Variants in TNNT1 observed in about 807,000 individuals in gnomAD.
TNNT1 encodes troponin T1, slow skeletal type.
A neutral mutation model predicts 50.6 loss-of-function variants in TNNT1; 53 were observed. That is an observed-to-expected ratio of 1.05 (90% CI 0.84 to 1.32). The LOEUF (loss-of-function observed/expected upper bound fraction) is 1.32. Ranked by LOEUF, TNNT1 falls within the 40% of genes most tolerant of loss-of-function variation. The probability of loss-of-function intolerance (pLI) is 0.00; values close to 1 mark genes in which losing one functional copy is unlikely to be tolerated. For missense variants in TNNT1, 348 were observed against 381.7 expected, an observed-to-expected ratio of 0.91 and a Z score of 0.74; for synonymous variants, 142 against 138.0, an observed-to-expected ratio of 1.03 and a Z score of -0.20.
At position 55,141,929 on chromosome 19, in the gene TNNT1, A is replaced by C. The variant is rs67795913; in HGVS notation, c.129-9T>G. On this transcript the variant is annotated splice_polypyrimidine_tract_variant and intron_variant, in intron 6 of 13. Coordinates refer to ENST00000588981, the MANE Select transcript of TNNT1 (RefSeq NM_003283.6). ...GAGGCACCACGGGGCGGCTGAGTGG[A>C]CAGAAACACAGAGACCATGAGTGGC... 207,122 of 1,613,310 alleles carry C rather than the reference A, an allele frequency of 0.13. 14,052 individuals are homozygous for C. Among genetic ancestry groups the C allele is most frequent in the East Asian group, 0.19 (8,620 of 44,834 alleles).
chr19:55,142,057 G>GACC, intron 6 of TNNT1, 137 bp from the exon 7 acceptor site: 1 of 798,834 alleles, frequency 1.3e-6, no homozygotes, highest in Non-Finnish European at 2.2e-6. Context: ...GCTGAGGCGG[G>GACC]CTGTCAGTGA....
intron 9 of TNNT1, among the ~76,000 whole-genome samples, chr19:55,138,778 G>A (rs908865677): frequency 1.3e-5 from 2 of 152,192 alleles, no homozygotes; most frequent in African/African-American, 4.8e-5. Context: ...AGGGGGTCAA[G>A]GGAAGTAACT....
At chr19:55,143,118 G>A (rs1017863489) in intron 6 of TNNT1, among the ~76,000 whole-genome samples, 6 of 150,530 alleles carry the variant, frequency 4.0e-5, no homozygotes, top group Non-Finnish European at 8.8e-5. Context: ...GCAGTGAGCC[G>A]AGATCGTGCC....
chr19:55,147,283 TG>T, intron 1 of TNNT1, 115 bp from the exon 2 acceptor site: 1 of 943,714 alleles, frequency 1.1e-6, no homozygotes, highest in Non-Finnish European at 1.6e-6. Flanking sequence ...TCTGGACTCC[TG>T]GGTGTGAGAG....
At chr19:55,146,770 A>G (rs1459000502) in intron 3 of TNNT1, 63 bp from the exon 4 acceptor site, 2 of 1,354,236 alleles carry the variant, frequency 1.5e-6, no homozygotes, top group East Asian at 2.5e-5. Flanking sequence ...GGCGGTGGCC[A>G]GAGACCAGGG....
intron 5 of TNNT1, among the ~76,000 whole-genome samples, 159 bp downstream of exon 5, chr19:55,146,275 A>G (rs1423241153): frequency 7.8e-6 from 1 of 128,214 alleles, no homozygotes; most frequent in Non-Finnish European, 1.6e-5. Flanking sequence ...CGGCCCCGAG[A>G]GGGCGCAGGA....
At chr19:55,135,433 C>T in intron 11 of TNNT1, 1 of 255,546 alleles carries the variant, frequency 3.9e-6, no homozygotes. Flanking sequence ...TTGATAGGGT[C>T]TCACTTTGTC....
chr19:55,137,937 T>C (rs2085383337), intron 10 of TNNT1, 24 bp downstream of exon 10: 1 of 1,613,886 alleles, frequency 6.2e-7, no homozygotes, highest in African/African-American at 1.3e-5. Flanking sequence ...AACTCAGACC[T>C]CAGGCTCCTG....
intron 6 of TNNT1, among the ~76,000 whole-genome samples, chr19:55,144,064 C>T (rs2081904195): frequency 6.8e-6 from 1 of 147,174 alleles, no homozygotes; most frequent in African/African-American, 2.5e-5. Context: ...CCCACCCCAC[C>T]CCACCCCCTT....
At chr19:55,137,059 C>G (rs1346668524) in intron 11 of TNNT1, 44 bp downstream of exon 11, 1 of 1,286,132 alleles carries the variant, frequency 7.8e-7, no homozygotes. Context: ...ATCCCCCTGT[C>G]TCACACCCAG....
chr19:55,138,769 G>A (rs2147249425), intron 9 of TNNT1, among the ~76,000 whole-genome samples: 1 of 152,288 alleles, frequency 6.6e-6, no homozygotes, highest in African/African-American at 2.4e-5. Flanking sequence ...TCTGTTTTGA[G>A]GGGGTCAAGG....
intron 3 of TNNT1, 105 bp downstream of exon 3, chr19:55,146,903 G>A (rs1172801553): frequency 7.0e-7 from 1 of 1,425,650 alleles, no homozygotes; most frequent in African/African-American, 1.4e-5. Context: ...AGGGCCCGAG[G>A]GCTGAGCCGC....
intron 6 of TNNT1, among the ~76,000 whole-genome samples, chr19:55,143,556 C>T (rs950293602): frequency 1.3e-5 from 2 of 152,040 alleles, no homozygotes; most frequent in Non-Finnish European, 2.9e-5. Context: ...ACAGCAGGGC[C>T]GTCATCTCCA....
intron 10 of TNNT1, 118 bp downstream of exon 10, chr19:55,137,843 T>A: frequency 7.9e-7 from 1 of 1,264,824 alleles, no homozygotes; most frequent in Non-Finnish European, 1.1e-6. Flanking sequence ...GCCCAGCCCC[T>A]CCTCCCTCAG....
chr19:55,134,155 C>T lies in TNNT1; in HGVS notation c.661G>A (p.Glu221Lys). Residue 221 changes from glutamate (E) to lysine (K), a missense_variant, in exon 12 of 14, where the codon GAG (glutamate) becomes AAG (lysine). Transcript: ENST00000588981. ...CAGTCCGACAGCTCCTGGGCTTTCT[C>T]CCTGGCAGGGCAGGAGGGCTGTGAT... The part of the protein sequence containing the change: ...PPSQPSCPAR[E>K]KAQELSDWIH... 6.2e-7 allele frequency: 1 copy of T among 1,603,076 alleles called. No homozygotes were observed. The highest frequency in any genetic ancestry group is 8.5e-7 in the Non-Finnish European group (1 of 1,175,366).
intron 6 of TNNT1, chr19:55,145,315 A>AGGAGAAGGAGAAGGGGAAGGG (rs2147264351): frequency 1.8e-6 from 1 of 563,738 alleles, no homozygotes; most frequent in Non-Finnish European, 3.2e-6. Context: ...AAGAAGGGGA[A>AGGAGAAGGAGAAGGGGAAGGG]GGAGAAGGAG....
chr19:55,142,502 A>G (rs1408956182), intron 6 of TNNT1, among the ~76,000 whole-genome samples: 1 of 151,456 alleles, frequency 6.6e-6, no homozygotes, highest in Non-Finnish European at 1.5e-5. Flanking sequence ...ATGAAAATTA[A>G]TTTTTCCTAT....
At position 55,137,163 on chromosome 19, in the gene TNNT1, C is replaced by T. The variant is rs759548188; in HGVS notation, c.551G>A (p.Arg184His). The change falls in exon 11 of 14, where the codon CGC (arginine) becomes CAC (histidine). Residue 184 changes from arginine to histidine, a missense_variant. This residue lies in a region of TNNT1 where 253 missense variants were observed against 291.8 expected (regional missense o/e 0.87). Coordinates refer to ENST00000588981, the MANE Select transcript of TNNT1 (RefSeq NM_003283.6). ...KRQTGREMKV[R>H]ILSERKKPLD... ...AGGCTTCTTACGCTCGGAGAGGATG[C>T]GCACCTTCATCTCCCGCCCCGTCTG... 17 of 1,612,384 alleles carry T rather than the reference C, an allele frequency of 1.1e-5. No homozygotes were observed. Among genetic ancestry groups the T allele is most frequent in the African/African-American group, 2.7e-5 (2 of 74,556 alleles).
At chr19:55,141,989 G>A in intron 6 of TNNT1, 69 bp from the exon 7 acceptor site, 3 of 1,519,796 alleles carry the variant, frequency 2.0e-6, no homozygotes, top group Non-Finnish European at 2.7e-6. Flanking sequence ...CCTCCGGGAT[G>A]TGCCGTCCAG....
Sources: allele counts gnomAD v4.1 joint callset (sites outside exome capture counted in the v4.1 genomes callset), GRCh38; gene constraint gnomAD v4.1.1; regional missense constraint gnomAD v4.1.1; transcripts MANE v1.5; gene names NCBI Gene and HGNC (gene_info 2026-07-23, HGNC 2026-07-21).